Variants in C4orf54 observed in about 807,000 individuals in gnomAD.
The protein encoded by C4orf54 is uncharacterized protein C4orf54.
Under a neutral mutation model 80.1 loss-of-function variants are expected in C4orf54, and 67 were observed. That is an observed-to-expected ratio of 0.84 (90% CI 0.69 to 1.03). The LOEUF is 1.03. Among genes scored for constraint, C4orf54 ranks in the 50% least tolerant of loss-of-function variants. The pLI is 0.00. For synonymous variants in C4orf54, 1,000 were observed against 917.0 expected (o/e 1.09, Z -1.64); for missense variants, 2,434 against 2,253.5 (o/e 1.08, Z -1.62).
Position 99,653,812 on chromosome 4 carries a change from T to TC in C4orf54, c.836_837insG (p.Glu280ArgfsTer29). 3 of 1,536,192 alleles carry TC rather than the reference T, an allele frequency of 2.0e-6. No homozygotes were observed. The highest frequency in any genetic ancestry group is 1.7e-6 in the Non-Finnish European group (2 of 1,146,900). ...CCTCCATTTTGGAAAGGCCATCCTC[T>TC]TCTGCTTTGTTCATCGGGGAGGAGG... On this transcript the variant is annotated frameshift_variant, in exon 2 of 3. Transcript: ENST00000511828. LOFTEE classifies it high-confidence loss of function.
chr4:99,649,762 C>A lies in C4orf54; in HGVS notation c.4887G>T (p.Gln1629His), dbSNP rs1260945634. 36 of 1,536,214 alleles carry A rather than the reference C, an allele frequency of 2.3e-5. No individual in the cohort carries two copies. The highest frequency in any genetic ancestry group is 2.9e-5 in the Non-Finnish European group (33 of 1,146,916). Residue 1629 changes from glutamine (Q) to histidine (H), a missense_variant, in exon 2 of 3, where the codon CAG becomes CAT. Gln to His is a conservative substitution (Grantham distance 24). Transcript: ENST00000511828. ...GGTCAAACAGTCTCCGGGTCATGGG[C>A]TGTACTGGTGTGTCCACCAGATAGT... The part of the protein sequence containing the change: ...GQYYLVDTPV[Q>H]PMTRRLFDPE...
chr4:99,650,509 C>G lies in C4orf54; in HGVS notation c.4140G>C (p.Glu1380Asp), dbSNP rs1439686768. Residue 1380 changes from glutamate (E) to aspartate (D), a missense_variant, in exon 2 of 3, where the codon GAG becomes GAC. Glu to Asp is a conservative substitution (Grantham distance 45). Coordinates refer to ENST00000511828, the MANE Select transcript of C4orf54 (RefSeq NM_001354435.2). ...GGAGGGGCTGCAGGGGTTGGGTTCT[C>G]TCTACATCCTTGTGGACTGGGGGAA... is the stretch of plus-strand genomic sequence containing the variant. ...LYIPPVHKDVERTQPLQPLPP... is the reference protein window; with the variant it reads ...LYIPPVHKDVDRTQPLQPLPP... 4 of 1,536,124 alleles carry G rather than the reference C, an allele frequency of 2.6e-6. No individual in the cohort carries two copies. Among genetic ancestry groups the G allele is most frequent in the South Asian group, 2.4e-5 (2 of 84,062 alleles).
intron 2 of C4orf54, among the ~76,000 whole-genome samples, chr4:99,646,962 C>A (rs571954025): frequency 6.6e-6 from 1 of 152,228 alleles, no homozygotes; most frequent in South Asian, 2.1e-4. Flanking sequence ...ATTTTTAATT[C>A]ATTATTTCAA....
At chr4:99,644,916 A>G (rs2718683) in intron 2 of C4orf54, among the ~76,000 whole-genome samples, 2,338 of 151,472 alleles carry the variant, frequency 0.015, 60 homozygotes, top group African/African-American at 0.053. Context: ...GCAAATGGCA[A>G]TGGAAAAAAG....
rs1299656813 is a variant in C4orf54 at position 99,649,936 on chromosome 4, C to A, written c.4713G>T (p.Gly1571=). 4 of 1,530,480 alleles carry A rather than the reference C, an allele frequency of 2.6e-6. No individual in the cohort carries two copies. Among genetic ancestry groups the A allele is most frequent in the Admixed American group, 2.0e-5 (1 of 50,854 alleles). 94.8% of individuals were successfully genotyped at this position (1,530,480 alleles called of 1,614,324 possible). Residue 1571 remains glycine (G), a synonymous_variant, in exon 2 of 3, where the codon GGG becomes GGT. Transcript: ENST00000511828. The part of the protein sequence containing the change: ...HQPPLPFTLQ[G]AQPQVLCFSP... ...AGAAGCAGAGGACCTGAGGCTGGGC[C>A]CCCTGTAGGGTGAAGGGCAGCGGCG...
chr4:99,651,689 A>C lies in C4orf54; in HGVS notation c.2960T>G (p.Met987Arg). The change falls in exon 2 of 3, where the codon ATG becomes AGG. Residue 987 changes from methionine to arginine, a missense_variant. Met to Arg is a moderately conservative substitution (Grantham distance 91, BLOSUM62 -1). Transcript: ENST00000511828. ...GEISASKNTI[M>R]SRLFVPNIQQ... ...GATGTTGGGGACAAAGAGGCGAGAC[A>C]TGATGGTGTTCTTGCTGGCAGAAAT... 7 of 1,536,006 alleles carry C rather than the reference A, an allele frequency of 4.6e-6. No individual in the cohort carries two copies. Among genetic ancestry groups the C allele is most frequent in the Non-Finnish European group, 6.1e-6 (7 of 1,146,878 alleles).
rs763719905 is a variant in C4orf54 at position 99,654,160 on chromosome 4, G to A, written c.489C>T (p.Asp163=). ...NSKARQAEVG[D]GVSSAQDSQE... ...GGCTGTCTTGAGCACTGCTCACCCC[G>A]TCCCCCACCTCCGCCTGTCTTGCTT... The change falls in exon 2 of 3, where the codon GAC becomes GAT. Residue 163 remains aspartate, a synonymous_variant. Transcript: ENST00000511828. The A allele has an allele frequency of 1.2e-4, 191 of 1,535,982 alleles. 1 individual carries two copies. The highest frequency in any genetic ancestry group is 1.5e-4 in the Non-Finnish European group (177 of 1,146,904).
At chr4:99,644,046 G>T (rs1329713916) in intron 2 of C4orf54, among the ~76,000 whole-genome samples, 1 of 151,914 alleles carries the variant, frequency 6.6e-6, no homozygotes, top group African/African-American at 2.4e-5. Flanking sequence ...AAGAGAAGAG[G>T]GACAATTTAC....
In C4orf54 at chr4:99,652,378, G is replaced by A; in HGVS notation, c.2271C>T (p.Arg757=). The A allele has an allele frequency of 1.3e-6, 2 of 1,536,092 alleles. No individual in the cohort carries two copies. The highest frequency in any genetic ancestry group is 1.7e-6 in the Non-Finnish European group (2 of 1,146,906). The change falls in exon 2 of 3, where the codon CGC becomes CGT. Residue 757 remains arginine (R), a synonymous_variant. Transcript: ENST00000511828. ...VVTLLEPLNV[R]SESKASSAPG... ...GGGCCGAGCTGGCTTTGCTCTCACT[G>A]CGTACATTCAGGGGCTCCAAAAGGG...
In C4orf54 at chr4:99,651,883, A is replaced by C. The variant is rs1370277435; in HGVS notation, c.2766T>G (p.Cys922Trp). ...RNFTDGHTEV[C>W]EIKKSASETV... ...TCTCTGAGGCACTCTTTTTAATTTC[A>C]CACACTTCTGTGTGTCCATCGGTGA... The change falls in exon 2 of 3, where the codon TGT becomes TGG. Residue 922 changes from cysteine to tryptophan, a missense_variant. Transcript: ENST00000511828. The C allele has an allele frequency of 6.5e-7, 1 of 1,535,768 alleles. No individual in the cohort carries two copies. The highest frequency in any genetic ancestry group is 1.2e-5 in the South Asian group (1 of 84,032).
Position 99,649,415 on chromosome 4 carries a change from G to T in C4orf54, c.5234C>A (p.Ala1745Asp), listed in dbSNP as rs771322670. The T allele has an allele frequency of 1.3e-6, 2 of 1,536,176 alleles. No homozygotes were observed. The highest frequency in any genetic ancestry group is 3.9e-5 in the Admixed American group (2 of 51,006). Reference sequence around the variant, plus strand: ...CTTGGCCCCTAGGAGCTGGGATGTGGCTGCTGGGGCTGAGGAGGTTGAGGA... The same window carrying T: ...CTTGGCCCCTAGGAGCTGGGATGTGTCTGCTGGGGCTGAGGAGGTTGAGGA... ...PASSTSSAPA[A>D]TSQLLGAKAF... Residue 1745 changes from alanine to aspartate, a missense_variant, in exon 2 of 3, where the codon GCC (alanine) becomes GAC (aspartate). Physicochemically the swap from Ala to Asp is moderately radical, Grantham distance 126. Transcript: ENST00000511828.
intron 2 of C4orf54, among the ~76,000 whole-genome samples, chr4:99,645,822 A>G (rs1419545613): frequency 6.6e-6 from 1 of 152,188 alleles, no homozygotes; most frequent in Non-Finnish European, 1.5e-5. Context: ...GGTGTGTTGC[A>G]ATTGGATTAC....
At chr4:99,643,506 C>T (rs1726638469) in intron 2 of C4orf54, among the ~76,000 whole-genome samples, 1 of 152,092 alleles carries the variant, frequency 6.6e-6, no homozygotes, top group African/African-American at 2.4e-5. Context: ...ACCTTTACAG[C>T]GCACATTCTT....
At chr4:99,643,739 A>AACACACACACACACAC (rs754039570) in intron 2 of C4orf54, among the ~76,000 whole-genome samples, 68 of 98,920 alleles carry the variant, frequency 6.9e-4, no homozygotes, top group Admixed American at 1.1e-3. Context: ...CCCAAGCCAC[A>AACACACACACACACAC]ACACACACAC....
chr4:99,644,739 G>C (rs1416799437), intron 2 of C4orf54, among the ~76,000 whole-genome samples: 12 of 120,412 alleles, frequency 1.0e-4, no homozygotes, highest in Non-Finnish European at 1.6e-4. Context: ...TCTAATCTAT[G>C]ATAATAATAA....
At chr4:99,649,170 C>T in intron 2 of C4orf54, 61 bp downstream of exon 2, 1 of 1,399,270 alleles carries the variant, frequency 7.1e-7, no homozygotes, top group South Asian at 1.6e-5. Context: ...ACTTCAAACA[C>T]AAACAAAAAA....
rs1374993539 is a variant in C4orf54, at chr4:99,650,422, C to T, written c.4227G>A (p.Gly1409=). 5.9e-6 allele frequency: 9 copies of T among 1,536,082 alleles called. No individual in the cohort carries two copies. Among genetic ancestry groups the T allele is most frequent in the Non-Finnish European group, 7.8e-6 (9 of 1,146,892 alleles). The part of the protein sequence containing the change: ...TVSASSIQKT[G]GVAGKFPQGP... ...CTTGTGGGAACTTGCCAGCGACACC[C>T]CCAGTTTTCTGGATGCTGCTGGCAC... The change falls in exon 2 of 3, where the codon GGG becomes GGA. Residue 1409 remains glycine, a synonymous_variant. Transcript: ENST00000511828.
chr4:99,653,293 C>T lies in C4orf54; in HGVS notation c.1356G>A (p.Leu452=), dbSNP rs1033097426. 1 of 1,530,604 alleles carries T rather than the reference C, an allele frequency of 6.5e-7. No homozygotes were observed. The highest frequency in any genetic ancestry group is 8.7e-7 in the Non-Finnish European group (1 of 1,143,456). 94.8% of individuals were successfully genotyped at this position (1,530,604 alleles called of 1,614,324 possible). ...TRTPSPTSSD[L]ARPNAGRSGR... ...CACTGCGGCCTGCATTGGGGCGGGC[C>T]AGGTCGCTGCTTGTAGGGCTGGGCG... The change falls in exon 2 of 3, where the codon CTG becomes CTA. Residue 452 remains leucine (L), a synonymous_variant. Transcript: ENST00000511828.
Position 99,650,578 on chromosome 4 carries a change from C to G in C4orf54, c.4071G>C (p.Ala1357=), listed in dbSNP as rs909580753. 1 of 1,536,030 alleles carries G rather than the reference C, an allele frequency of 6.5e-7. No homozygotes were observed. Among genetic ancestry groups the G allele is most frequent in the Non-Finnish European group, 8.7e-7 (1 of 1,146,890 alleles). ...PSAESVSARA[A]AFENLARERP... The stretch of plus-strand genomic sequence containing the variant: ...TTTCCCTGGCCAGGTTCTCAAAGGC[C>G]GCTGCCCTGGCAGACACACTCTCAG... Residue 1357 remains alanine (A), a synonymous_variant, in exon 2 of 3, where the codon GCG becomes GCC. Coordinates refer to ENST00000511828, the MANE Select transcript of C4orf54 (RefSeq NM_001354435.2).
Sources: allele counts gnomAD v4.1 joint callset (sites outside exome capture counted in the v4.1 genomes callset), GRCh38; gene constraint gnomAD v4.1.1; transcripts MANE v1.5; gene names NCBI Gene and HGNC (gene_info 2026-07-23, HGNC 2026-07-21).